The following SH3RF2 variants were observed in gnomAD, a reference collection of about 807,000 sequenced individuals.
The protein encoded by SH3RF2 is E3 ubiquitin-protein ligase SH3RF2.
SH3RF2 carries 43 observed loss-of-function variants against 59.0 expected under a neutral mutation model. The observed-to-expected ratio is 0.73, with a 90% CI of 0.57 to 0.94. The LOEUF (loss-of-function observed/expected upper bound fraction) is 0.94. SH3RF2 is among the 40% of genes least tolerant of loss of function. The probability of loss-of-function intolerance (pLI) is 0.00; values close to 1 mark genes in which losing one functional copy is unlikely to be tolerated. For missense variants in SH3RF2, 930 were observed against 940.1 expected, an observed-to-expected ratio of 0.99 and a Z score of 0.14; for synonymous variants, 391 against 391.5, an observed-to-expected ratio of 1.00 and a Z score of 0.01.
Position 145,976,405 on chromosome 5 carries a change from T to C in SH3RF2, c.379-23653T>C, listed in dbSNP as rs186944120. On this transcript the variant is annotated intron_variant, in intron 2 of 9. Transcript: ENST00000359120. ...CACAACAAACTCAATAAATGATGACTTTTATTAGCTATTTTGCAGACTAAT... is the reference window on the plus strand; with the variant it reads ...CACAACAAACTCAATAAATGATGACCTTTATTAGCTATTTTGCAGACTAAT... 7.2e-5 allele frequency among the ~76,000 whole-genome samples: 11 copies of C among 151,840 alleles called. No individual in the cohort carries two copies. The East Asian group carries it at 1.7e-3, about 24-fold the overall frequency.
chr5:146,016,379 G>GATGT (rs776938553), intron 5 of SH3RF2, among the ~76,000 whole-genome samples: 21 of 151,636 alleles, frequency 1.4e-4, no homozygotes, highest in Non-Finnish European at 2.9e-4. Flanking sequence ...TGGATGGATG[G>GATGT]ATGGATGGAT....
At chr5:146,054,495 G>T (rs1762600843) in intron 7 of SH3RF2, among the ~76,000 whole-genome samples, 1 of 152,224 alleles carries the variant, frequency 6.6e-6, no homozygotes, top group Non-Finnish European at 1.5e-5. Context: ...GGAAGCCAAT[G>T]CTGGAGATTT....
intron 5 of SH3RF2, among the ~76,000 whole-genome samples, chr5:146,042,441 C>G (rs1053778700): frequency 2.0e-5 from 3 of 152,210 alleles, no homozygotes; most frequent in Non-Finnish European, 2.9e-5. Flanking sequence ...ACCCTCATAA[C>G]AACTCTAAGA....
At chr5:146,012,393 G>A (rs1760939997) in intron 4 of SH3RF2, among the ~76,000 whole-genome samples, 1 of 152,148 alleles carries the variant, frequency 6.6e-6, no homozygotes, top group Non-Finnish European at 1.5e-5. Flanking sequence ...GAGTTAGGGA[G>A]GATTCCCTCT....
chr5:146,059,318 ACCCC>A (rs1452688565), intron 8 of SH3RF2, among the ~76,000 whole-genome samples: 2 of 150,808 alleles, frequency 1.3e-5, no homozygotes, highest in African/African-American at 4.9e-5. Flanking sequence ...ACAAAAAGCA[ACCCC>A]CACCTGCCAC....
chr5:146,031,234 C>T lies in SH3RF2; in HGVS notation c.1060-16538C>T, dbSNP rs114325793. ...CACCTTGTTTTGGAATTTACCTAAG[C>T]GTACCTTAATGCCCTCAACTCCTTA... On this transcript the variant is annotated intron_variant, in intron 5 of 9. Transcript: ENST00000359120. 2.5e-3 allele frequency among the ~76,000 whole-genome samples: 384 copies of T among 152,292 alleles called. 5 individuals carry two copies. Among genetic ancestry groups the T allele is most frequent in the African/African-American group, 8.7e-3 (362 of 41,546 alleles).
intron 4 of SH3RF2, among the ~76,000 whole-genome samples, chr5:146,009,769 A>G (rs1248618663): frequency 6.6e-6 from 1 of 152,202 alleles, no homozygotes; most frequent in Non-Finnish European, 1.5e-5. Flanking sequence ...TTTTCACAAT[A>G]CTATAAGCTT....
At chr5:146,001,301 T>C (rs1760398748) in intron 3 of SH3RF2, among the ~76,000 whole-genome samples, 1 of 152,238 alleles carries the variant, frequency 6.6e-6, no homozygotes, top group South Asian at 2.1e-4. Context: ...GTAGATCAAA[T>C]GTAAGTATAA....
chr5:145,952,278 A>G (rs951821633), intron 2 of SH3RF2, among the ~76,000 whole-genome samples: 10 of 152,148 alleles, frequency 6.6e-5, no homozygotes, highest in Admixed American at 1.3e-4. Flanking sequence ...TTCAGGTCAT[A>G]CCAGGAAGAA....
At chr5:146,075,778 T>TAAAAAAAAAAAAA (rs56300547) in intron 9 of SH3RF2, among the ~76,000 whole-genome samples, 3 of 76,968 alleles carry the variant, frequency 3.9e-5, no homozygotes, top group African/African-American at 1.4e-4. Flanking sequence ...AAATTCCATG[T>TAAAAAAAAAAAAA]AAAAAAAAAA....
intron 2 of SH3RF2, among the ~76,000 whole-genome samples, chr5:145,953,208 G>T (rs1473108015): frequency 1.3e-5 from 2 of 151,904 alleles, no homozygotes; most frequent in Non-Finnish European, 2.9e-5. Context: ...TATAGACAAG[G>T]GTATGAAATG....
chr5:146,064,776 A>AAGGAAGGG (rs1561773661), downstream of SH3RF2, among the ~76,000 whole-genome samples: 1 of 24,816 alleles, frequency 4.0e-5, no homozygotes, highest in Non-Finnish European at 8.6e-5. Context: ...GGAAGGAAGG[A>AAGGAAGGG]AAGGAAGGAA....
chr5:146,042,417 G>C (rs910788066), intron 5 of SH3RF2, among the ~76,000 whole-genome samples: 2 of 152,184 alleles, frequency 1.3e-5, no homozygotes, highest in African/African-American at 4.8e-5. Flanking sequence ...AGTTTATATG[G>C]ATTACTTTAT....
chr5:146,012,695 C>T (rs1484847042), intron 4 of SH3RF2, among the ~76,000 whole-genome samples: 1 of 152,238 alleles, frequency 6.6e-6, no homozygotes, highest in East Asian at 1.9e-4. Flanking sequence ...AGTTATTGCA[C>T]TAACTCTTGT....
intron 9 of SH3RF2, among the ~76,000 whole-genome samples, chr5:146,060,901 T>C (rs1210505260): frequency 6.6e-6 from 1 of 152,158 alleles, no homozygotes; most frequent in Admixed American, 6.5e-5. Context: ...CTCAATAATA[T>C]CCTTGAAGCA....
chr5:145,970,346 C>A lies in SH3RF2; in HGVS notation c.379-29712C>A, dbSNP rs148825716. Reference sequence around the variant, plus strand: ...GTCTTTGCATCCTCATAGTTTAGCTCCCACTTATAAGTGAGAACATACAAT... The same window carrying A: ...GTCTTTGCATCCTCATAGTTTAGCTACCACTTATAAGTGAGAACATACAAT... On this transcript the variant is annotated intron_variant, in intron 2 of 9. Coordinates refer to ENST00000359120, the MANE Select transcript of SH3RF2 (RefSeq NM_152550.4). 6.1e-3 allele frequency among the ~76,000 whole-genome samples: 934 copies of A among 152,182 alleles called. 11 individuals carry two copies. The highest frequency in any genetic ancestry group is 0.022 in the African/African-American group (913 of 41,490).
At chr5:146,080,319 T>C (rs1763402313) in exon 10 of SH3RF2, 1 of 152,042 alleles carries the variant, frequency 6.6e-6, no homozygotes, top group Admixed American at 6.6e-5. Context: ...AAGAGAAAAA[T>C]TCATGCCTCC....
intron 9 of SH3RF2, among the ~76,000 whole-genome samples, chr5:146,069,547 G>A (rs1763185404): frequency 6.6e-6 from 1 of 152,024 alleles, no homozygotes; most frequent in Non-Finnish European, 1.5e-5. Flanking sequence ...AGAACCTTGT[G>A]AGGTATGCAG....
intron 4 of SH3RF2, 36 bp downstream of exon 4, chr5:146,004,189 T>C (rs1264519086): frequency 2.6e-6 from 4 of 1,540,062 alleles, no homozygotes; most frequent in Non-Finnish European, 2.7e-6. Flanking sequence ...GATTTACGCA[T>C]ACACAGAAAT....
Sources: allele counts gnomAD v4.1 joint callset (sites outside exome capture counted in the v4.1 genomes callset), GRCh38; gene constraint gnomAD v4.1.1; transcripts MANE v1.5; gene names NCBI Gene and HGNC (gene_info 2026-07-23, HGNC 2026-07-21).